The following CNBD1 variants were observed in gnomAD, a reference collection of about 807,000 sequenced individuals.
The protein encoded by CNBD1 is cyclic nucleotide-binding domain-containing protein 1.
A neutral mutation model predicts 54.4 loss-of-function variants in CNBD1; 71 were observed. That is an observed-to-expected ratio of 1.30 (90% CI 1.08 to 1.59). The LOEUF (loss-of-function observed/expected upper bound fraction) is 1.59, where lower values mean the gene tolerates loss of function less well. Ranked by LOEUF, CNBD1 falls within the 40% of genes most tolerant of loss-of-function variation. CNBD1 has a pLI of 0.00. For missense variants in CNBD1, 659 were observed against 518.0 expected (o/e 1.27, Z -2.64); for synonymous variants, 182 against 170.7 (o/e 1.07, Z -0.51).
chr8:87,020,187 C>G (rs534631571), intron 4 of CNBD1, among the ~76,000 whole-genome samples: 1 of 151,928 alleles, frequency 6.6e-6, no homozygotes, highest in African/African-American at 2.4e-5. Flanking sequence ...ATTAAAGACT[C>G]GAATCATAAT....
Position 86,968,265 on chromosome 8 carries a change from G to A in CNBD1, c.431+28511G>A, listed in dbSNP as rs567214291. ...TTTGTTTTTTACCACTCACCCGGTT[G>A]GAAGCTTGAAAGGATTTTTCTCCTA... On this transcript the variant is annotated intron_variant, in intron 4 of 10. Coordinates refer to ENST00000518476, the MANE Select transcript of CNBD1 (RefSeq NM_173538.3). 1.5e-4 allele frequency among the ~76,000 whole-genome samples: 23 copies of A among 152,188 alleles called. No individual in the cohort carries two copies. The South Asian group carries it at 4.8e-3, about 32-fold the overall frequency.
intron 8 of CNBD1, among the ~76,000 whole-genome samples, chr8:87,318,696 G>A (rs1382993197): frequency 6.6e-6 from 1 of 151,904 alleles, no homozygotes; most frequent in African/African-American, 2.4e-5. Context: ...CTCAGAGGAA[G>A]GAAGGAGATG....
chr8:87,340,767 T>A (rs1318590625), intron 8 of CNBD1, among the ~76,000 whole-genome samples: 2 of 152,152 alleles, frequency 1.3e-5, no homozygotes, highest in Non-Finnish European at 2.9e-5. Flanking sequence ...AACATTTGAT[T>A]CTTTTTTATA....
chr8:87,275,190 T>C (rs1200705187), intron 6 of CNBD1, among the ~76,000 whole-genome samples: 2 of 141,762 alleles, frequency 1.4e-5, no homozygotes, highest in Non-Finnish European at 3.1e-5. Flanking sequence ...TGTAGTATAG[T>C]TTGAAGTCTG....
intron 10 of CNBD1, among the ~76,000 whole-genome samples, chr8:87,372,996 T>A (rs1810849160): frequency 6.6e-6 from 1 of 151,806 alleles, no homozygotes; most frequent in Non-Finnish European, 1.5e-5. Flanking sequence ...CTTTAAGTAG[T>A]TTTAATTACA....
chr8:87,394,087 T>C (rs112309630), intron 2 of CNBD1, among the ~76,000 whole-genome samples: 2,868 of 151,990 alleles, frequency 0.019, 92 homozygotes, highest in African/African-American at 0.062. Flanking sequence ...TCTATGGACA[T>C]GATCACAGGC....
intron 4 of CNBD1, among the ~76,000 whole-genome samples, chr8:87,105,424 T>G (rs1308055384): frequency 6.6e-6 from 1 of 152,178 alleles, no homozygotes; most frequent in Non-Finnish European, 1.5e-5. Context: ...GATCTTAGGG[T>G]AGGTAGGAAT....
At chr8:87,010,700 A>G (rs1809201108) in intron 4 of CNBD1, among the ~76,000 whole-genome samples, 2 of 152,198 alleles carry the variant, frequency 1.3e-5, no homozygotes, top group South Asian at 4.1e-4. Flanking sequence ...AGCCGTGATC[A>G]CGCCACTACA....
chr8:87,361,405 A>G (rs540583272), intron 10 of CNBD1, among the ~76,000 whole-genome samples: 1 of 152,004 alleles, frequency 6.6e-6, no homozygotes, highest in East Asian at 1.9e-4. Context: ...AAGTGAAAAT[A>G]AAAAGAACAG....
chr8:87,390,840 C>A (rs965995064), intron 2 of CNBD1, among the ~76,000 whole-genome samples: 2 of 152,076 alleles, frequency 1.3e-5, no homozygotes, highest in Non-Finnish European at 2.9e-5. Context: ...TGGAACCAAC[C>A]CAAATGTCCA....
chr8:87,258,299 CA>C (rs139388484), intron 6 of CNBD1, among the ~76,000 whole-genome samples: 6,838 of 152,104 alleles, frequency 0.045, 202 homozygotes, highest in Non-Finnish European at 0.063. Flanking sequence ...TTTTAAAAGG[CA>C]AAAACCTTTA....
At chr8:87,080,331 C>A (rs1401718083) in intron 4 of CNBD1, among the ~76,000 whole-genome samples, 2 of 152,106 alleles carry the variant, frequency 1.3e-5, no homozygotes, top group East Asian at 3.9e-4. Context: ...CACCTGTAAT[C>A]CCAGCACTTT....
intron 10 of CNBD1, among the ~76,000 whole-genome samples, chr8:87,360,038 G>C (rs1810496424): frequency 6.6e-6 from 1 of 151,868 alleles, no homozygotes; most frequent in South Asian, 2.1e-4. Context: ...TCTTTCTCCA[G>C]GTATATGGGT....
At chr8:86,958,079 A>G (rs902340945) in intron 4 of CNBD1, among the ~76,000 whole-genome samples, 2 of 152,070 alleles carry the variant, frequency 1.3e-5, no homozygotes, top group Admixed American at 6.6e-5. Context: ...CCTTCATTTC[A>G]TTATGTACCC....
At chr8:87,221,586 A>T (rs553043714) in intron 5 of CNBD1, among the ~76,000 whole-genome samples, 1 of 152,226 alleles carries the variant, frequency 6.6e-6, no homozygotes, top group East Asian at 1.9e-4. Flanking sequence ...CACCAGACAC[A>T]ATTTATTTCT....
chr8:87,267,004 A>G (rs901583381), intron 6 of CNBD1, among the ~76,000 whole-genome samples: 3 of 151,866 alleles, frequency 2.0e-5, no homozygotes, highest in Admixed American at 6.6e-5. Context: ...GAAGGAAACT[A>G]TATTGATACC....
intron 6 of CNBD1, among the ~76,000 whole-genome samples, chr8:87,248,991 A>G (rs1807861381): frequency 6.6e-6 from 1 of 152,130 alleles, no homozygotes; most frequent in Non-Finnish European, 1.5e-5. Context: ...ATATCAACTC[A>G]CTACTATAAC....
At chr8:87,259,600 T>G (rs1808093803) in intron 6 of CNBD1, among the ~76,000 whole-genome samples, 1 of 152,238 alleles carries the variant, frequency 6.6e-6, no homozygotes, top group African/African-American at 2.4e-5. Context: ...TAGCACTTTT[T>G]TATATAAACA....
chr8:87,064,256 C>T (rs759274059), intron 4 of CNBD1, among the ~76,000 whole-genome samples: 4 of 151,846 alleles, frequency 2.6e-5, no homozygotes, highest in South Asian at 2.1e-4. Context: ...TAAATAATCT[C>T]GCTTTCTTTT....
Sources: allele counts gnomAD v4.1 joint callset (sites outside exome capture counted in the v4.1 genomes callset), GRCh38; gene constraint gnomAD v4.1.1; transcripts MANE v1.5; gene names NCBI Gene and HGNC (gene_info 2026-07-23, HGNC 2026-07-21).